Variants in OSBPL3 observed in about 807,000 individuals in gnomAD.
OSBPL3 encodes oxysterol-binding protein-related protein 3.
OSBPL3 carries 65 observed loss-of-function variants against 120.1 expected under a neutral mutation model. The observed-to-expected ratio is 0.54, with a 90% confidence interval of 0.44 to 0.67. The LOEUF is 0.67. Ranked by LOEUF, OSBPL3 falls within the 30% of genes least tolerant of loss-of-function variation. The probability of loss-of-function intolerance (pLI) is 0.00; values close to 1 mark genes in which losing one functional copy is unlikely to be tolerated. For missense variants in OSBPL3, 1,004 were observed against 1,082.1 expected, an observed-to-expected ratio of 0.93 and a Z score of 1.01; for synonymous variants, 416 against 402.6, an observed-to-expected ratio of 1.03 and a Z score of -0.40.
At chr7:24,931,816 A>C (rs1811828787) in intron 1 of OSBPL3, among the ~76,000 whole-genome samples, 2 of 152,238 alleles carry the variant, frequency 1.3e-5, no homozygotes, top group Non-Finnish European at 2.9e-5. Flanking sequence ...CATGTGAAAA[A>C]GCATTTTCTG....
intron 2 of OSBPL3, among the ~76,000 whole-genome samples, chr7:24,882,626 G>A (rs1460848188): frequency 1.3e-5 from 2 of 152,148 alleles, no homozygotes; most frequent in Admixed American, 1.3e-4. Flanking sequence ...AGATCACATG[G>A]TAGTTCTTTA....
At chr7:24,868,246 G>A (rs1349640407) in intron 5 of OSBPL3, among the ~76,000 whole-genome samples, 1 of 150,540 alleles carries the variant, frequency 6.6e-6, no homozygotes, top group Non-Finnish European at 1.5e-5. Flanking sequence ...GAACCTGGGA[G>A]GGGGAGGTTG....
chr7:24,957,050 A>G (rs1216427652), intron 1 of OSBPL3, among the ~76,000 whole-genome samples: 2 of 152,340 alleles, frequency 1.3e-5, no homozygotes, highest in East Asian at 3.9e-4. Flanking sequence ...CTATGCAGGT[A>G]TAAGACTAAG....
At chr7:24,848,293 T>C (rs923032325) in intron 12 of OSBPL3, among the ~76,000 whole-genome samples, 5 of 152,260 alleles carry the variant, frequency 3.3e-5, no homozygotes, top group African/African-American at 1.2e-4. Context: ...CTCTTGTCTA[T>C]TACCTGCCTT....
At position 24,871,844 on chromosome 7, in the gene OSBPL3, T is replaced by C. The variant is rs1424541011; in HGVS notation, c.214-49A>G. ...ATTAAGGCATTCAATTTAGGTGCCC[T>C]TTTCTTGGTCTCAAATTCCAACTAG... is the stretch of plus-strand genomic sequence containing the variant. On this transcript the variant is annotated intron_variant, in intron 3 of 22. Coordinates refer to ENST00000313367, the MANE Select transcript of OSBPL3 (RefSeq NM_015550.4). This position sits in a 1 kb window ranked among gnomAD's most constrained non-coding sequence, Gnocchi z 4.8. The C allele has an allele frequency of 9.9e-6, 15 of 1,514,928 alleles. No homozygotes were observed. Among genetic ancestry groups the C allele is most frequent in the Non-Finnish European group, 1.4e-5 (15 of 1,090,708 alleles). The allele number at this position is 1,514,928 out of a possible 1,614,324, so 93.8% of individuals were successfully genotyped here. A position where few individuals can be genotyped will look rare whatever the true frequency, so the allele number is the denominator to read the frequency against.
At chr7:24,948,029 T>C (rs1439682897) in intron 1 of OSBPL3, among the ~76,000 whole-genome samples, 1 of 151,918 alleles carries the variant, frequency 6.6e-6, no homozygotes, top group East Asian at 1.9e-4. Context: ...TAAGACGACC[T>C]ATCATATACC....
rs1003902515 is a variant in OSBPL3, at chr7:24,980,071, G to C, written c.-335C>G. On this transcript the variant is annotated 5_prime_UTR_variant, in exon 1 of 23. Transcript: ENST00000313367. ...CACTTGCAGACAGACTGCGGGGCCG[G>C]AGCCGCGCTGCGCACCGGCCGCGAA... 1.0e-6 allele frequency: 1 copy of C among 984,760 alleles called. No homozygotes were observed. Among genetic ancestry groups the C allele is most frequent in the Non-Finnish European group, 1.2e-6 (1 of 829,454 alleles). 61.0% of individuals were successfully genotyped at this position (984,760 alleles called of 1,614,324 possible). A position where few individuals can be genotyped will look rare whatever the true frequency, so the allele number is the denominator to read the frequency against.
In OSBPL3 at chr7:24,838,698, A is replaced by T. The variant is rs114962970; in HGVS notation, c.1495+1992T>A. On this transcript the variant is annotated intron_variant, in intron 14 of 22. Coordinates refer to ENST00000313367, the MANE Select transcript of OSBPL3 (RefSeq NM_015550.4). ...GTGCTTCCTATGGCTCCCTCTCCAT[A>T]GACTCAAAGAAATGGAGGACTTCCA... Among the ~76,000 whole-genome samples, 427 of 152,298 alleles carry T rather than the reference A, an allele frequency of 2.8e-3. 1 individual carries two copies. Among genetic ancestry groups the T allele is most frequent in the African/African-American group, 9.7e-3 (403 of 41,542 alleles).
intron 18 of OSBPL3, among the ~76,000 whole-genome samples, chr7:24,816,055 A>G (rs1794428349): frequency 6.6e-6 from 1 of 152,156 alleles, no homozygotes; most frequent in African/African-American, 2.4e-5. Flanking sequence ...ATAGGGTCTC[A>G]CCCCTTCACC....
At chr7:24,885,070 G>A (rs910688448) in intron 2 of OSBPL3, among the ~76,000 whole-genome samples, 1 of 151,910 alleles carries the variant, frequency 6.6e-6, no homozygotes, top group Non-Finnish European at 1.5e-5. Context: ...GATCACCTGA[G>A]GGCATGGTGG....
rs1813866709 is a variant in OSBPL3, at chr7:24,947,493, A to G, written c.-150+32393T>C. Among the ~76,000 whole-genome samples the G allele has an allele frequency of 6.6e-6, 1 of 152,134 alleles. No homozygotes were observed. Among genetic ancestry groups the G allele is most frequent in the Non-Finnish European group, 1.5e-5 (1 of 68,026 alleles). ...ACGTGACTACCCCTGAAAGCTGCAT[A>G]TTTTTATTTCACAGAAACTACCTTT... On this transcript the variant is annotated intron_variant, in intron 1 of 22. Transcript: ENST00000313367. The surrounding 1 kb of genome is among the most constrained non-coding windows in gnomAD (Gnocchi z 4.4).
At chr7:24,892,737 C>G (rs890091277) in intron 1 of OSBPL3, 116 bp from the exon 2 acceptor site, 5 of 602,660 alleles carry the variant, frequency 8.3e-6, no homozygotes, top group Non-Finnish European at 1.2e-5. Flanking sequence ...CGATGTTTAG[C>G]TATAGCAGGC....
rs181269052 is a variant in OSBPL3 at position 24,933,152 on chromosome 7, G to T, written c.-149-40531C>A. ...TGCAGAACTGGGACCCAGCTGAGAG[G>T]GGGGTTCGCTGCTCAAGGTTAAAAT... On this transcript the variant is annotated intron_variant, in intron 1 of 22. Transcript: ENST00000313367. This position sits in a 1 kb window ranked among gnomAD's most constrained non-coding sequence, Gnocchi z 5.1. Among the ~76,000 whole-genome samples the T allele has an allele frequency of 3.6e-3, 546 of 152,332 alleles. 2 individuals are homozygous for T. Among genetic ancestry groups the T allele is most frequent in the African/African-American group, 0.012 (510 of 41,566 alleles).
intron 14 of OSBPL3, among the ~76,000 whole-genome samples, chr7:24,836,901 C>G (rs1429656114): frequency 2.6e-5 from 4 of 152,176 alleles, no homozygotes; most frequent in African/African-American, 9.7e-5. Context: ...GTGGCATAAT[C>G]TGGAGTCACT....
chr7:24,799,529 T>C lies in OSBPL3; in HGVS notation c.*654A>G, dbSNP rs1000897800. ...GGGTACAATTTTGCATATAAGGCAA[T>C]AGAACTATAGGGAGGAACAAGTTCA... On this transcript the variant is annotated 3_prime_UTR_variant, in exon 23 of 23. Coordinates refer to ENST00000313367, the MANE Select transcript of OSBPL3 (RefSeq NM_015550.4). The surrounding 1 kb of genome is among the most constrained non-coding windows in gnomAD (Gnocchi z 5.3). 1.3e-5 allele frequency: 2 copies of C among 152,198 alleles called. No individual in the cohort carries two copies. Among genetic ancestry groups the C allele is most frequent in the African/African-American group, 4.8e-5 (2 of 41,442 alleles). 9.4% of individuals were successfully genotyped at this position (152,198 alleles called of 1,614,324 possible).
chr7:24,926,022 G>A lies in OSBPL3; in HGVS notation c.-149-33401C>T, dbSNP rs150544549. Among the ~76,000 whole-genome samples, 13 of 152,358 alleles carry A rather than the reference G, an allele frequency of 8.5e-5. No homozygotes were observed. The East Asian group carries it at 2.5e-3, about 29-fold the overall frequency. On this transcript the variant is annotated intron_variant, in intron 1 of 22. Coordinates refer to ENST00000313367, the MANE Select transcript of OSBPL3 (RefSeq NM_015550.4). Reference sequence around the variant, plus strand: ...TATCAGCCTTCAGTTTTGCAATGGTGTGATGAAGAGGCAGACGCTACTATC... The same window carrying A: ...TATCAGCCTTCAGTTTTGCAATGGTATGATGAAGAGGCAGACGCTACTATC...
intron 5 of OSBPL3, among the ~76,000 whole-genome samples, chr7:24,866,560 G>C (rs1036103957): frequency 1.3e-5 from 2 of 152,118 alleles, no homozygotes; most frequent in African/African-American, 4.8e-5. Context: ...AGGATCACTT[G>C]GGCCTGGAAG....
rs1812799009 is a variant in OSBPL3, at chr7:24,939,217, C to A, written c.-150+40669G>T. Among the ~76,000 whole-genome samples the A allele has an allele frequency of 6.6e-6, 1 of 152,172 alleles. No homozygotes were observed. The highest frequency in any genetic ancestry group is 2.1e-4 in the South Asian group (1 of 4,826). On this transcript the variant is annotated intron_variant, in intron 1 of 22. Transcript: ENST00000313367. This position sits in a 1 kb window ranked among gnomAD's most constrained non-coding sequence, Gnocchi z 4.2. ...AAGGAAGAACAACACTGTCCATAAT[C>A]CAAAGGACCAAGGTCTCTGAGGATG... is the stretch of plus-strand genomic sequence containing the variant.
At chr7:24,840,966 T>A (rs553039569) in intron 13 of OSBPL3, among the ~76,000 whole-genome samples, 183 bp from the exon 14 acceptor site, 2 of 152,364 alleles carry the variant, frequency 1.3e-5, no homozygotes, top group African/African-American at 4.8e-5. Flanking sequence ...ACACCTGTTC[T>A]TAAAATTCTT....
Sources: allele counts gnomAD v4.1 joint callset (sites outside exome capture counted in the v4.1 genomes callset), GRCh38; gene constraint gnomAD v4.1.1; non-coding constraint Gnocchi (gnomAD v3.1); transcripts MANE v1.5; gene names NCBI Gene and HGNC (gene_info 2026-07-23, HGNC 2026-07-21).